Variants in PDE8B observed in about 807,000 individuals in gnomAD.
The protein encoded by PDE8B is high affinity cAMP-specific and IBMX-insensitive 3',5'-cyclic phosphodiesterase 8B.
Under a neutral mutation model 101.3 loss-of-function variants are expected in PDE8B, and 26 were observed. That is an observed-to-expected ratio of 0.26 (90% CI 0.19 to 0.36). The LOEUF is 0.36. Ranked by LOEUF, PDE8B falls within the 10% of genes least tolerant of loss-of-function variation. The pLI, the probability that PDE8B is intolerant of heterozygous loss-of-function variation, is 1.00. For missense variants in PDE8B, 810 were observed against 1,163.1 expected (o/e 0.70, Z 4.42); for synonymous variants, 424 against 429.3 (o/e 0.99, Z 0.15).
At chr5:77,164,450 G>C in the PDE8B span, among the ~76,000 whole-genome samples, 2 of 152,186 alleles carry the variant, frequency 1.3e-5, no homozygotes, top group African/African-American at 4.8e-5. Context: ...AGAAAGAAAA[G>C]CCAAGTGTTT....
intron 10 of PDE8B, among the ~76,000 whole-genome samples, chr5:77,354,356 C>T (rs892633607): frequency 7.2e-5 from 11 of 152,200 alleles, no homozygotes; most frequent in African/African-American, 1.7e-4. Flanking sequence ...AGATAAAGTC[C>T]TTCCTCCAGC....
the PDE8B span, chr5:77,104,717 G>A: frequency 3.3e-5 from 5 of 152,182 alleles, no homozygotes; most frequent in Non-Finnish European, 7.3e-5. Flanking sequence ...AGCAGGAATG[G>A]ACTGAGAGAA....
the PDE8B span, among the ~76,000 whole-genome samples, chr5:77,157,154 A>C: frequency 6.6e-6 from 1 of 151,896 alleles, no homozygotes. Flanking sequence ...CTGGTTGGTG[A>C]CTCCATGTTT....
At chr5:77,290,692 C>T (rs1767102437) in intron 1 of PDE8B, 2 of 1,506,970 alleles carry the variant, frequency 1.3e-6, no homozygotes, top group Non-Finnish European at 1.8e-6. Flanking sequence ...CCTATCTTGC[C>T]TTCTGAAAGA....
chr5:77,125,037 C>T, the PDE8B span, among the ~76,000 whole-genome samples: 1 of 152,184 alleles, frequency 6.6e-6, no homozygotes, highest in Non-Finnish European at 1.5e-5. Context: ...GTCACCCAAG[C>T]TGGAATGCAG....
intron 1 of PDE8B, among the ~76,000 whole-genome samples, chr5:77,212,032 A>G (rs1251600635): frequency 6.6e-6 from 1 of 152,214 alleles, no homozygotes; most frequent in Non-Finnish European, 1.5e-5. Flanking sequence ...AGTGGAAAAA[A>G]TTGTTTAGAT....
chr5:77,305,294 G>T (rs1440028446), intron 1 of PDE8B, among the ~76,000 whole-genome samples: 1 of 152,204 alleles, frequency 6.6e-6, no homozygotes, highest in Non-Finnish European at 1.5e-5. Context: ...TAGACCAGAG[G>T]ATTGGAAGCA....
intron 10 of PDE8B, among the ~76,000 whole-genome samples, chr5:77,366,399 T>C (rs1329910406): frequency 6.6e-5 from 10 of 152,036 alleles, no homozygotes; most frequent in Non-Finnish European, 1.3e-4. Flanking sequence ...AGTTGAGGGG[T>C]AAGATCCAAA....
the PDE8B span, chr5:77,113,508 T>C: frequency 2.6e-5 from 4 of 152,130 alleles, no homozygotes; most frequent in Admixed American, 6.5e-5. Flanking sequence ...TATACAAAAG[T>C]TAACTCAAGA....
chr5:77,089,479 G>T, the PDE8B span: 1 of 152,166 alleles, frequency 6.6e-6, no homozygotes, highest in Non-Finnish European at 1.5e-5. Flanking sequence ...AATATGATGC[G>T]CTTGAATCAT....
At chr5:77,399,595 G>C (rs1173214538) in intron 10 of PDE8B, among the ~76,000 whole-genome samples, 1 of 152,168 alleles carries the variant, frequency 6.6e-6, no homozygotes, top group Non-Finnish European at 1.5e-5. Flanking sequence ...AAGAAATGCA[G>C]GATCCCAAAG....
At chr5:77,282,640 G>T (rs756819753) in intron 1 of PDE8B, among the ~76,000 whole-genome samples, 1 of 151,940 alleles carries the variant, frequency 6.6e-6, no homozygotes, top group Non-Finnish European at 1.5e-5. Flanking sequence ...TGCCTGCAGC[G>T]GCTGGACTCC....
At chr5:77,262,643 T>C (rs571787922) in intron 1 of PDE8B, among the ~76,000 whole-genome samples, 36 of 152,372 alleles carry the variant, frequency 2.4e-4, no homozygotes, top group Non-Finnish European at 4.9e-4. Flanking sequence ...GGCACCTTGA[T>C]TATCTTTCTT....
chr5:77,206,014 G>T (rs747432181), upstream of PDE8B, among the ~76,000 whole-genome samples: 1 of 152,058 alleles, frequency 6.6e-6, no homozygotes, highest in African/African-American at 2.4e-5. Context: ...AGACTACCAT[G>T]ATGTAATCAA....
chr5:77,117,747 CAG>C, the PDE8B span, among the ~76,000 whole-genome samples: 1 of 152,096 alleles, frequency 6.6e-6, no homozygotes, highest in Non-Finnish European at 1.5e-5. Context: ...GACCTGAGAG[CAG>C]GAAGAGCAAT....
chr5:77,151,620 A>T, the PDE8B span, among the ~76,000 whole-genome samples: 1 of 152,184 alleles, frequency 6.6e-6, no homozygotes, highest in East Asian at 1.9e-4. Flanking sequence ...AATATGCTTT[A>T]TCATGCTCAT....
the PDE8B span, among the ~76,000 whole-genome samples, chr5:77,156,328 A>G: frequency 1.3e-5 from 2 of 152,154 alleles, no homozygotes; most frequent in Non-Finnish European, 2.9e-5. Flanking sequence ...AAGGCCCTAG[A>G]TTGCAGACTC....
the PDE8B span, among the ~76,000 whole-genome samples, chr5:77,173,575 A>G: frequency 3.3e-5 from 5 of 152,216 alleles, no homozygotes; most frequent in Non-Finnish European, 7.3e-5. Context: ...AAAGAATAGC[A>G]AGTGAGTCAA....
the PDE8B span, among the ~76,000 whole-genome samples, chr5:77,173,910 T>C: frequency 6.6e-6 from 1 of 152,208 alleles, no homozygotes; most frequent in Non-Finnish European, 1.5e-5. Flanking sequence ...TTAAGGCATT[T>C]TGACTTTTGA....
Sources: gnomAD v4.1 joint callset for allele counts (sites outside exome capture counted in the v4.1 genomes callset) on GRCh38, gnomAD v4.1.1 for gene constraint, MANE v1.5 for transcripts, NCBI Gene and HGNC (gene_info 2026-07-23, HGNC 2026-07-21) for gene names.